The following SCAPER variants were observed in gnomAD, a reference collection of about 807,000 sequenced individuals.
SCAPER encodes the protein S phase cyclin A-associated protein in the endoplasmic reticulum.
Under a neutral mutation model 182.2 loss-of-function variants are expected in SCAPER, and 98 were observed. That is an observed-to-expected ratio of 0.54 (90% confidence interval 0.46 to 0.64). The LOEUF (loss-of-function observed/expected upper bound fraction) is 0.64, where lower values mean the gene tolerates loss of function less well. Among genes scored for constraint, SCAPER ranks in the 30% least tolerant of loss-of-function variants. SCAPER has a pLI of 0.00. For missense variants in SCAPER, 1,432 were observed against 1,690.0 expected, an observed-to-expected ratio of 0.85 and a Z score of 2.68; for synonymous variants, 605 against 564.6, an observed-to-expected ratio of 1.07 and a Z score of -1.01.
At chr15:76,641,779 T>G (rs1426198662) in intron 21 of SCAPER, among the ~76,000 whole-genome samples, 1 of 152,112 alleles carries the variant, frequency 6.6e-6, no homozygotes, top group Non-Finnish European at 1.5e-5. Flanking sequence ...AGATGCAGCA[T>G]GATAAAACTG....
chr15:76,428,894 A>ATATATATATATATATAT (rs71143324), intron 26 of SCAPER, among the ~76,000 whole-genome samples: 120 of 138,010 alleles, frequency 8.7e-4, no homozygotes, highest in African/African-American at 1.2e-3. Context: ...ATATATATAT[A>ATATATATATATATATAT]AACATCAAAA....
At chr15:76,476,745 C>A (rs1027286576) in intron 24 of SCAPER, among the ~76,000 whole-genome samples, 10 of 151,888 alleles carry the variant, frequency 6.6e-5, no homozygotes, top group Non-Finnish European at 1.3e-4. Context: ...ACACACCTAG[C>A]CGTCCAAGAA....
chr15:76,354,010 T>C lies in SCAPER; in HGVS notation c.3986A>G (p.His1329Arg), dbSNP rs1302376282. 8.1e-6 allele frequency: 13 copies of C among 1,606,188 alleles called. No homozygotes were observed. The highest frequency in any genetic ancestry group is 5.4e-5 in the African/African-American group (4 of 74,328). The stretch of plus-strand genomic sequence containing the variant: ...TTGCTCCAGAATGATCTTGTTCTGA[T>C]GGTTGTTGTAACAAGCAGCGATAAG... The part of the protein sequence containing the change: ...PSLIAACYNN[H>R]QNKIILEQEM... The change falls in exon 30 of 32, where the codon CAT (histidine) becomes CGT (arginine). Residue 1329 changes from histidine to arginine, a missense_variant. Physicochemically the swap from His to Arg is conservative, Grantham distance 29. Around this residue, in one of 5 missense-constraint regions of SCAPER, gnomAD observed 718 missense variants for 799.7 expected, o/e 0.90. Coordinates refer to ENST00000563290, the MANE Select transcript of SCAPER (RefSeq NM_020843.4). This position sits in a 1 kb window ranked among gnomAD's most constrained non-coding sequence, Gnocchi z 4.4.
chr15:76,516,549 T>C (rs2042439922), intron 23 of SCAPER, among the ~76,000 whole-genome samples: 1 of 152,104 alleles, frequency 6.6e-6, no homozygotes, highest in African/African-American at 2.4e-5. Flanking sequence ...GAACTCATCC[T>C]TTTTTTATGG....
intron 23 of SCAPER, among the ~76,000 whole-genome samples, chr15:76,530,182 T>C (rs149876498): frequency 3.2e-4 from 49 of 152,326 alleles, no homozygotes; most frequent in Admixed American, 7.2e-4. Flanking sequence ...ACATACTGCA[T>C]AATACCGTTA....
intron 5 of SCAPER, among the ~76,000 whole-genome samples, chr15:76,808,636 G>A (rs549114170): frequency 5.9e-5 from 9 of 152,316 alleles, no homozygotes; most frequent in Admixed American, 3.3e-4. Flanking sequence ...TTCTCCAGCT[G>A]CTACCTGAAA....
intron 26 of SCAPER, among the ~76,000 whole-genome samples, chr15:76,420,768 C>T (rs992801099): frequency 1.6e-4 from 25 of 152,322 alleles, no homozygotes; most frequent in Admixed American, 6.5e-4. Flanking sequence ...TATCCCTCCA[C>T]GCTCCCCCCA....
At chr15:76,874,074 A>G (rs1197399392) in intron 2 of SCAPER, among the ~76,000 whole-genome samples, 4 of 152,052 alleles carry the variant, frequency 2.6e-5, no homozygotes, top group African/African-American at 9.7e-5. Context: ...CTGTATTTTT[A>G]GTAGAGACAG....
intron 23 of SCAPER, among the ~76,000 whole-genome samples, chr15:76,544,799 A>G (rs8029283): frequency 0.34 from 52,007 of 152,018 alleles, 9,191 homozygotes; most frequent in East Asian, 0.55. Flanking sequence ...TATTTTAAAT[A>G]GTAACTTGTA....
chr15:76,583,344 C>T, intron 22 of SCAPER, among the ~76,000 whole-genome samples: 1 of 122,622 alleles, frequency 8.2e-6, no homozygotes, highest in Non-Finnish European at 1.7e-5. Context: ...GAGTGAGACT[C>T]CATCTCAAAA....
rs376069703 is a variant in SCAPER at position 76,404,698 on chromosome 15, T to C, written c.3312-19A>G. ...CACGTAGCTAGATATGGGGGAGAAA[T>C]GCATGTTATCAATCTGAATAGGCCA... is the stretch of plus-strand genomic sequence containing the variant. On this transcript the variant is annotated intron_variant, in intron 26 of 31. Coordinates refer to ENST00000563290, the MANE Select transcript of SCAPER (RefSeq NM_020843.4). 5.0e-6 allele frequency: 8 copies of C among 1,605,098 alleles called. No homozygotes were observed. In the African/African-American group the frequency reaches 9.4e-5, roughly 19 times the overall value.
intron 1 of SCAPER, among the ~76,000 whole-genome samples, chr15:76,890,398 C>T (rs1433438689): frequency 6.6e-6 from 1 of 151,790 alleles, no homozygotes; most frequent in Non-Finnish European, 1.5e-5. Flanking sequence ...TTGAAAAGAT[C>T]AACAAAATTG....
chr15:76,448,854 T>C (rs2048181922), intron 25 of SCAPER, among the ~76,000 whole-genome samples: 1 of 152,090 alleles, frequency 6.6e-6, no homozygotes. Context: ...AAAGAATGGA[T>C]GCAGACAGCT....
chr15:76,823,077 A>C (rs536314222), intron 5 of SCAPER, among the ~76,000 whole-genome samples: 25 of 152,330 alleles, frequency 1.6e-4, no homozygotes, highest in Non-Finnish European at 2.8e-4. Context: ...TAAATGCATT[A>C]TTTTTCTATA....
intron 9 of SCAPER, 114 bp downstream of exon 9, chr15:76,774,741 C>T: frequency 2.6e-6 from 3 of 1,139,254 alleles, no homozygotes; most frequent in Non-Finnish European, 3.6e-6. Flanking sequence ...GGTCTATAGA[C>T]CTGAAAATTT....
rs373606790 is a variant in SCAPER, at chr15:76,368,338, C to G, written c.3855+7824G>C. 3.5e-4 allele frequency among the ~76,000 whole-genome samples: 53 copies of G among 152,384 alleles called. No homozygotes were observed. The East Asian group carries it at 9.8e-3, about 28-fold the overall frequency. ...GGAATGGGATTCTGGAAAACTGCCACTCTTAACACACAATGACTCTAGGAA... is the reference window on the plus strand; with the variant it reads ...GGAATGGGATTCTGGAAAACTGCCAGTCTTAACACACAATGACTCTAGGAA... On this transcript the variant is annotated intron_variant, in intron 29 of 31. Transcript: ENST00000563290.
At chr15:76,673,784 C>G (rs529419974) in intron 20 of SCAPER, among the ~76,000 whole-genome samples, 119 of 152,090 alleles carry the variant, frequency 7.8e-4, no homozygotes, top group African/African-American at 2.7e-3. Flanking sequence ...AACTGGGTAG[C>G]AAGGCAACTA....
intron 21 of SCAPER, among the ~76,000 whole-genome samples, chr15:76,649,068 C>A (rs928967187): frequency 2.0e-5 from 3 of 152,100 alleles, no homozygotes; most frequent in African/African-American, 7.2e-5. Context: ...TCCATGAAAC[C>A]AGAAGACCCA....
intron 17 of SCAPER, among the ~76,000 whole-genome samples, chr15:76,721,402 G>T (rs1426321846): frequency 6.6e-6 from 1 of 151,588 alleles, no homozygotes; most frequent in Non-Finnish European, 1.5e-5. Flanking sequence ...TTGACTTGGC[G>T]ATGCGGGCTC....
Sources: gnomAD v4.1 joint callset for allele counts (sites outside exome capture counted in the v4.1 genomes callset) on GRCh38, gnomAD v4.1.1 for gene constraint, gnomAD v4.1.1 regional missense constraint, Gnocchi (gnomAD v3.1) non-coding constraint, MANE v1.5 for transcripts, NCBI Gene and HGNC (gene_info 2026-07-23, HGNC 2026-07-21) for gene names.